The following SNX31 variants were observed in gnomAD, a reference collection of about 807,000 sequenced individuals.
SNX31 encodes the protein sorting nexin-31.
In SNX31, 58 loss-of-function variants were observed where a neutral mutation model predicts 65.4. The observed-to-expected ratio is 0.89, with a 90% confidence interval of 0.72 to 1.10. The LOEUF is 1.10. SNX31 is among the 50% of genes least tolerant of loss of function. The probability of loss-of-function intolerance (pLI) is 0.00; values close to 1 mark genes in which losing one functional copy is unlikely to be tolerated. For missense variants in SNX31, 523 were observed against 529.7 expected (o/e 0.99, Z 0.12); for synonymous variants, 181 against 190.1 (o/e 0.95, Z 0.39).
At chr8:100,583,017 C>T (rs907395630) in intron 12 of SNX31, among the ~76,000 whole-genome samples, 11 of 150,884 alleles carry the variant, frequency 7.3e-5, no homozygotes, top group African/African-American at 2.7e-4. Context: ...GAAAAGTTTC[C>T]CAATATTTTC....
At chr8:100,655,406 TTGTGGGAGAGACCC>T (rs933226976) in intron 1 of SNX31, among the ~76,000 whole-genome samples, 14 of 152,144 alleles carry the variant, frequency 9.2e-5, no homozygotes, top group African/African-American at 3.1e-4. Flanking sequence ...TTCTCACATG[TTGTGGGAGAGACCC>T]TGTGGGAGAT....
Position 100,582,844 on chromosome 8 carries a change from G to A in SNX31, c.1170+1267C>T, listed in dbSNP as rs571353601. On this transcript the variant is annotated intron_variant, in intron 12 of 13. Coordinates refer to ENST00000311812, the MANE Select transcript of SNX31 (RefSeq NM_152628.4). ...AAAAAATACAAAAAATCAGCCGGGC[G>A]TGGTGGCAGGGACCTGTAGCCCCAG... Among the ~76,000 whole-genome samples, 432 of 151,402 alleles carry A rather than the reference G, an allele frequency of 2.9e-3. 4 individuals are homozygous for A. The highest frequency in any genetic ancestry group is 9.1e-3 in the African/African-American group (376 of 41,346).
rs1817750574 is a variant in SNX31 at position 100,622,283 on chromosome 8, A to G, written c.322-4553T>C. Among the ~76,000 whole-genome samples, 1 of 152,206 alleles carries G rather than the reference A, an allele frequency of 6.6e-6. No homozygotes were observed. Among genetic ancestry groups the G allele is most frequent in the Admixed American group, 6.5e-5 (1 of 15,280 alleles). On this transcript the variant is annotated intron_variant, in intron 4 of 13. Coordinates refer to ENST00000311812, the MANE Select transcript of SNX31 (RefSeq NM_152628.4). The surrounding 1 kb of genome is among the most constrained non-coding windows in gnomAD (Gnocchi z 5.0). ...GAGTGCCCTGTACAAGTAGACATTT[A>G]ATAATCTTGGTTCCATATTTCTCAA...
Position 100,578,508 on chromosome 8 carries a change from A to G in SNX31, c.1171-1433T>C, listed in dbSNP as rs1467822070. On this transcript the variant is annotated intron_variant, in intron 12 of 13. Coordinates refer to ENST00000311812, the MANE Select transcript of SNX31 (RefSeq NM_152628.4). The surrounding 1 kb of genome is among the most constrained non-coding windows in gnomAD (Gnocchi z 4.7). ...TTGCTTACTTCTCATGAGAATATAG[A>G]CGGAGACATTTAAAAATAAGTGGGC... is the stretch of plus-strand genomic sequence containing the variant. 6.6e-6 allele frequency among the ~76,000 whole-genome samples: 1 copy of G among 152,166 alleles called. No homozygotes were observed. The highest frequency in any genetic ancestry group is 1.5e-5 in the Non-Finnish European group (1 of 68,024).
intron 13 of SNX31, among the ~76,000 whole-genome samples, chr8:100,574,377 T>C (rs1812860593): frequency 6.6e-6 from 1 of 152,240 alleles, no homozygotes; most frequent in East Asian, 1.9e-4. Flanking sequence ...CTCATGCCTG[T>C]AATCCCAACA....
intron 12 of SNX31, among the ~76,000 whole-genome samples, chr8:100,579,145 C>T (rs988841166): frequency 6.6e-5 from 10 of 152,132 alleles, no homozygotes; most frequent in African/African-American, 2.4e-4. Context: ...CATAAATAGT[C>T]TTGCAGCCAT....
rs1306229442 is a variant in SNX31, at chr8:100,622,653, A to AAAAT, written c.322-4927_322-4924dup. The stretch of plus-strand genomic sequence containing the variant: ...GTGACAGAGCAAGACTCCCTCTCAA[A>AAAAT]AAATAAATAAGTAAATAAATAAATA... On this transcript the variant is annotated intron_variant, in intron 4 of 13. Transcript: ENST00000311812. The surrounding 1 kb of genome is among the most constrained non-coding windows in gnomAD (Gnocchi z 5.0). Among the ~76,000 whole-genome samples the AAAAT allele has an allele frequency of 6.7e-6, 1 of 149,362 alleles. No homozygotes were observed. Among genetic ancestry groups the AAAAT allele is most frequent in the Non-Finnish European group, 1.5e-5 (1 of 67,716 alleles).
At chr8:100,640,226 C>T (rs1299618083) in intron 2 of SNX31, among the ~76,000 whole-genome samples, 3 of 152,260 alleles carry the variant, frequency 2.0e-5, no homozygotes, top group East Asian at 1.9e-4. Flanking sequence ...CTCCTGGGTT[C>T]GAGTAATTCT....
At chr8:100,582,857 C>G (rs773201945) in intron 12 of SNX31, among the ~76,000 whole-genome samples, 14 of 150,856 alleles carry the variant, frequency 9.3e-5, no homozygotes, top group Non-Finnish European at 1.6e-4. Flanking sequence ...GTGGCAGGGA[C>G]CTGTAGCCCC....
In SNX31 at chr8:100,625,056, C is replaced by T. The variant is rs1817955930; in HGVS notation, c.321+5271G>A. Among the ~76,000 whole-genome samples the T allele has an allele frequency of 3.9e-5, 6 of 152,228 alleles. No individual in the cohort carries two copies. In the South Asian group the frequency reaches 1.2e-3, roughly 32 times the overall value. ...CAACTCCTGGCCTCAAGTAATTCTC[C>T]CACCTCAGCCCCCCAAAGTTCTGGG... On this transcript the variant is annotated intron_variant, in intron 4 of 13. Coordinates refer to ENST00000311812, the MANE Select transcript of SNX31 (RefSeq NM_152628.4). This position sits in a 1 kb window ranked among gnomAD's most constrained non-coding sequence, Gnocchi z 4.2.
intron 1 of SNX31, among the ~76,000 whole-genome samples, chr8:100,658,907 T>A (rs1809717479): frequency 1.3e-5 from 2 of 152,218 alleles, no homozygotes; most frequent in Admixed American, 6.5e-5. Flanking sequence ...GCTGCTAGGC[T>A]TGGCGGAATT....
chr8:100,627,827 G>C (rs2131161843), intron 4 of SNX31, among the ~76,000 whole-genome samples: 1 of 152,226 alleles, frequency 6.6e-6, no homozygotes, highest in South Asian at 2.1e-4. Context: ...GTGAGCCACA[G>C]CACCCGGGCA....
At chr8:100,624,466 C>T (rs1183278275) in intron 4 of SNX31, among the ~76,000 whole-genome samples, 2 of 152,096 alleles carry the variant, frequency 1.3e-5, no homozygotes, top group Non-Finnish European at 1.5e-5. Flanking sequence ...TTATTCCATC[C>T]ATGATGTCTA....
chr8:100,582,813 TAA>T (rs562100583), intron 12 of SNX31, among the ~76,000 whole-genome samples: 1 of 143,386 alleles, frequency 7.0e-6, no homozygotes. Flanking sequence ...CTGTCTCTAC[TAA>T]AAAAAAAAAT....
intron 10 of SNX31, among the ~76,000 whole-genome samples, chr8:100,591,255 A>G (rs1202697448): frequency 1.3e-5 from 2 of 152,186 alleles, no homozygotes; most frequent in Non-Finnish European, 2.9e-5. Context: ...GCAGAGAGAC[A>G]ATAGACAAGA....
In SNX31 at chr8:100,612,167, A is replaced by T; in HGVS notation, c.524-80T>A. 2 of 831,518 alleles carry T rather than the reference A, an allele frequency of 2.4e-6. No homozygotes were observed. Among genetic ancestry groups the T allele is most frequent in the Non-Finnish European group, 4.0e-6 (2 of 503,090 alleles). The allele number at this position is 831,518 out of a possible 1,614,324, so 51.5% of individuals were successfully genotyped here. A position where few individuals can be genotyped will look rare whatever the true frequency, so the allele number is the denominator to read the frequency against. On this transcript the variant is annotated intron_variant, in intron 6 of 13. Transcript: ENST00000311812. This position sits in a 1 kb window ranked among gnomAD's most constrained non-coding sequence, Gnocchi z 4.3. ...TATAGCAGCTTTCAAATGAGAAAATAAAACCTTATTATTGGAAATAATAAA... is the reference window on the plus strand; with the variant it reads ...TATAGCAGCTTTCAAATGAGAAAATTAAACCTTATTATTGGAAATAATAAA...
intron 1 of SNX31, among the ~76,000 whole-genome samples, chr8:100,658,947 A>C (rs1809718920): frequency 6.6e-6 from 1 of 152,172 alleles, no homozygotes; most frequent in Non-Finnish European, 1.5e-5. Context: ...TTCCAACTGC[A>C]TTGTACAGGT....
intron 10 of SNX31, among the ~76,000 whole-genome samples, chr8:100,596,325 T>C (rs998743925): frequency 2.6e-5 from 4 of 152,192 alleles, no homozygotes; most frequent in African/African-American, 7.2e-5. Flanking sequence ...TTGTCAACAC[T>C]GAGCACGTAG....
chr8:100,613,154 C>T lies in SNX31; in HGVS notation c.433-69G>A. ...CACCATGCATCCTAACTGTGACATG[C>T]AGACTTGGAAATGGCCGGTACACAT... On this transcript the variant is annotated intron_variant, in intron 5 of 13. Coordinates refer to ENST00000311812, the MANE Select transcript of SNX31 (RefSeq NM_152628.4). The surrounding 1 kb of genome is among the most constrained non-coding windows in gnomAD (Gnocchi z 5.2). The T allele has an allele frequency of 7.9e-7, 1 of 1,261,638 alleles. No individual in the cohort carries two copies. The highest frequency in any genetic ancestry group is 1.2e-6 in the Non-Finnish European group (1 of 862,878). 78.2% of individuals were successfully genotyped at this position (1,261,638 alleles called of 1,614,324 possible).
Sources: allele counts gnomAD v4.1 joint callset (sites outside exome capture counted in the v4.1 genomes callset), GRCh38; gene constraint gnomAD v4.1.1; non-coding constraint Gnocchi (gnomAD v3.1); transcripts MANE v1.5; gene names NCBI Gene and HGNC (gene_info 2026-07-23, HGNC 2026-07-21).